Variants in MACROD2 observed in about 807,000 individuals in gnomAD.
The protein encoded by MACROD2 is mono-ADP ribosylhydrolase 2.
MACROD2 carries 36 observed loss-of-function variants against 70.4 expected under a neutral mutation model. The observed-to-expected ratio is 0.51, with a 90% confidence interval of 0.39 to 0.68. The LOEUF (loss-of-function observed/expected upper bound fraction) is 0.68. Ranked by LOEUF, MACROD2 falls within the 30% of genes least tolerant of loss-of-function variation. The pLI, the probability that MACROD2 is intolerant of heterozygous loss-of-function variation, is 0.00. For missense variants in MACROD2, 496 were observed against 538.4 expected (o/e 0.92, Z 0.78); for synonymous variants, 172 against 178.8 (o/e 0.96, Z 0.30).
At chr20:14,857,607 A>C (rs1254666583) in intron 5 of MACROD2, among the ~76,000 whole-genome samples, 1 of 152,184 alleles carries the variant, frequency 6.6e-6, no homozygotes, top group Non-Finnish European at 1.5e-5. Context: ...CTTCATTTAC[A>C]AAATTCAGAC....
At chr20:14,375,134 G>A (rs558086002) in intron 3 of MACROD2, among the ~76,000 whole-genome samples, 10 of 151,924 alleles carry the variant, frequency 6.6e-5, no homozygotes, top group South Asian at 2.1e-4. Context: ...TACAGTGAAC[G>A]TTACTTCTAG....
In MACROD2 at chr20:16,030,018, G is replaced by A. The variant is rs571792420; in HGVS notation, c.1154-11183G>A. On this transcript the variant is annotated intron_variant, in intron 15 of 17. Transcript: ENST00000684519. ...GCCACCTTCGCTCTCTGACAAGGCT[G>A]CAGAGGGTTTATCACCTGCTAGGGT... Among the ~76,000 whole-genome samples, 23 of 152,322 alleles carry A rather than the reference G, an allele frequency of 1.5e-4. 1 individual carries two copies. The highest frequency in any genetic ancestry group is 6.8e-3 in the Middle Eastern group (2 of 294).
chr20:15,639,996 G>A (rs985747334), intron 8 of MACROD2, among the ~76,000 whole-genome samples: 2 of 148,948 alleles, frequency 1.3e-5, no homozygotes, highest in South Asian at 2.1e-4. Flanking sequence ...TGAGAGAGAA[G>A]GAGAGAGAAA....
intron 5 of MACROD2, among the ~76,000 whole-genome samples, chr20:14,896,270 G>T (rs1600785443): frequency 6.6e-6 from 1 of 152,022 alleles, no homozygotes; most frequent in Non-Finnish European, 1.5e-5. Context: ...ACTTCAGCCT[G>T]GGCGACAGAG....
intron 5 of MACROD2, among the ~76,000 whole-genome samples, chr20:15,172,451 G>T (rs1304958201): frequency 6.6e-6 from 1 of 152,174 alleles, no homozygotes; most frequent in Non-Finnish European, 1.5e-5. Flanking sequence ...CAGTTGTGCA[G>T]TCATAGCTCA....
At chr20:15,496,356 G>T (rs2047297975) in intron 7 of MACROD2, among the ~76,000 whole-genome samples, 1 of 152,228 alleles carries the variant, frequency 6.6e-6, no homozygotes, top group African/African-American at 2.4e-5. Flanking sequence ...TAAGCGCGGG[G>T]TGGGTCACTC....
intron 7 of MACROD2, among the ~76,000 whole-genome samples, chr20:15,475,442 C>G (rs1452621282): frequency 2.0e-5 from 3 of 152,204 alleles, no homozygotes. Context: ...AAGGTGGGGA[C>G]AAATTCTTTT....
intron 5 of MACROD2, among the ~76,000 whole-genome samples, chr20:15,031,095 G>A (rs889138714): frequency 2.6e-5 from 4 of 152,192 alleles, no homozygotes; most frequent in Non-Finnish European, 2.9e-5. Flanking sequence ...GTGGTGGGGC[G>A]GGCAGCACCA....
At chr20:15,235,114 A>G (rs1467611481) in intron 6 of MACROD2, among the ~76,000 whole-genome samples, 1 of 152,220 alleles carries the variant, frequency 6.6e-6, no homozygotes, top group Non-Finnish European at 1.5e-5. Flanking sequence ...TCACTGATGA[A>G]ATACAATGCA....
intron 5 of MACROD2, among the ~76,000 whole-genome samples, chr20:14,724,708 C>G (rs572598695): frequency 4.6e-5 from 7 of 152,176 alleles, no homozygotes; most frequent in Non-Finnish European, 1.0e-4. Flanking sequence ...GGCAAAAAGG[C>G]CAGTGAGACT....
At chr20:15,664,317 G>A (rs1461485765) in intron 8 of MACROD2, among the ~76,000 whole-genome samples, 6 of 152,210 alleles carry the variant, frequency 3.9e-5, no homozygotes, top group Non-Finnish European at 7.3e-5. Flanking sequence ...AGACAGAAGA[G>A]CAAGTGTGAT....
chr20:15,676,698 T>C (rs991589442), intron 8 of MACROD2, among the ~76,000 whole-genome samples: 17 of 152,210 alleles, frequency 1.1e-4, no homozygotes, highest in African/African-American at 4.1e-4. Context: ...TGTGAGCAGC[T>C]TCCTTGAAAA....
chr20:15,492,628 A>T (rs2047246078), intron 7 of MACROD2, among the ~76,000 whole-genome samples: 1 of 152,220 alleles, frequency 6.6e-6, no homozygotes, highest in Non-Finnish European at 1.5e-5. Flanking sequence ...TGATGTCAAC[A>T]TATTGATCAA....
intron 8 of MACROD2, among the ~76,000 whole-genome samples, chr20:15,633,279 T>A (rs1223183275): frequency 6.6e-6 from 1 of 152,026 alleles, no homozygotes; most frequent in East Asian, 1.9e-4. Context: ...ACAGCAAGAG[T>A]CACTATTTAA....
At chr20:15,327,756 T>G (rs1415952607) in intron 6 of MACROD2, among the ~76,000 whole-genome samples, 2 of 152,002 alleles carry the variant, frequency 1.3e-5, no homozygotes, top group Admixed American at 1.3e-4. Context: ...GCATGCCATA[T>G]TTTGGGGTAG....
chr20:15,965,863 T>C lies in MACROD2; in HGVS notation c.908-1690T>C, dbSNP rs149281823. Among the ~76,000 whole-genome samples, 331 of 152,314 alleles carry C rather than the reference T, an allele frequency of 2.2e-3. 1 individual carries two copies. The highest frequency in any genetic ancestry group is 7.4e-3 in the African/African-American group (307 of 41,582). On this transcript the variant is annotated intron_variant, in intron 12 of 17. Transcript: ENST00000684519. Reference sequence around the variant, plus strand: ...TTCCAAATTTGGACTTTTAGACTTATTGTCAGCCTCAGAAAGAAATAAGAA... The same window carrying C: ...TTCCAAATTTGGACTTTTAGACTTACTGTCAGCCTCAGAAAGAAATAAGAA...
chr20:14,122,355 G>T (rs2054598914), intron 3 of MACROD2, among the ~76,000 whole-genome samples: 1 of 152,112 alleles, frequency 6.6e-6, no homozygotes, highest in Non-Finnish European at 1.5e-5. Flanking sequence ...TGCATCCCTG[G>T]CACATTGTCA....
chr20:14,885,512 A>T (rs1233551115), intron 5 of MACROD2, among the ~76,000 whole-genome samples: 1 of 152,016 alleles, frequency 6.6e-6, no homozygotes, highest in African/African-American at 2.4e-5. Context: ...TCTAGTCATG[A>T]TGATTTTATT....
At chr20:15,965,545 A>G (rs1180176298) in intron 12 of MACROD2, among the ~76,000 whole-genome samples, 1 of 152,198 alleles carries the variant, frequency 6.6e-6, no homozygotes, top group East Asian at 1.9e-4. Flanking sequence ...ATAATTCTAT[A>G]ACATTAATGT....
Sources: allele counts gnomAD v4.1 joint callset (sites outside exome capture counted in the v4.1 genomes callset), GRCh38; gene constraint gnomAD v4.1.1; transcripts MANE v1.5; gene names NCBI Gene and HGNC (gene_info 2026-07-23, HGNC 2026-07-21).